The following LNPEP variants were observed in gnomAD, a reference collection of about 807,000 sequenced individuals.
LNPEP encodes the protein leucyl and cystinyl aminopeptidase.
Under a neutral mutation model 120.6 loss-of-function variants are expected in LNPEP, and 64 were observed. The ratio of observed to expected loss-of-function variants is 0.53; its 90% confidence interval spans 0.43 to 0.65. The LOEUF is 0.65. LNPEP is among the 30% of genes least tolerant of loss of function. The pLI is 0.00. For synonymous variants in LNPEP, 435 were observed against 425.4 expected (o/e 1.02, Z -0.28); for missense variants, 1,057 against 1,200.0 (o/e 0.88, Z 1.76).
chr5:97,003,118 T>C (rs976289800), intron 8 of LNPEP, among the ~76,000 whole-genome samples: 5 of 152,164 alleles, frequency 3.3e-5, no homozygotes, highest in Non-Finnish European at 7.3e-5. Flanking sequence ...TACTTAGCTT[T>C]TCAACACTAA....
intron 15 of LNPEP, among the ~76,000 whole-genome samples, chr5:97,025,660 A>G (rs1791319130): frequency 6.6e-6 from 1 of 152,228 alleles, no homozygotes; most frequent in African/African-American, 2.4e-5. Flanking sequence ...ATATTTGTAC[A>G]TATGTACGTA....
chr5:97,019,983 T>C (rs1440642607), intron 13 of LNPEP, among the ~76,000 whole-genome samples: 1 of 152,216 alleles, frequency 6.6e-6, no homozygotes, highest in Non-Finnish European at 1.5e-5. Flanking sequence ...ATTTTTCTAC[T>C]TCATGTCCTC....
intron 13 of LNPEP, 79 bp downstream of exon 13, chr5:97,015,174 G>T (rs1206137214): frequency 8.5e-6 from 8 of 940,654 alleles, no homozygotes; most frequent in Non-Finnish European, 1.0e-5. Context: ...GCCAGTAATA[G>T]GCTGAAAAAG....
chr5:96,980,409 G>A (rs1790096310), intron 2 of LNPEP, among the ~76,000 whole-genome samples: 1 of 152,074 alleles, frequency 6.6e-6, no homozygotes, highest in South Asian at 2.1e-4. Context: ...GAAGTGTGGT[G>A]TGCTTACATA....
At chr5:96,989,534 A>G (rs1387163554) in intron 4 of LNPEP, among the ~76,000 whole-genome samples, 1 of 149,868 alleles carries the variant, frequency 6.7e-6, no homozygotes, top group Non-Finnish European at 1.5e-5. Context: ...GGATCTTTCT[A>G]GTTGTGTTTT....
At chr5:96,952,835 A>T (rs191980260) in intron 1 of LNPEP, among the ~76,000 whole-genome samples, 160 of 152,250 alleles carry the variant, frequency 1.1e-3, no homozygotes, top group African/African-American at 3.7e-3. Flanking sequence ...CAGCCCTTTC[A>T]TGATCTCTTA....
chr5:96,946,279 C>G (rs1262027164), intron 1 of LNPEP, among the ~76,000 whole-genome samples: 1 of 152,142 alleles, frequency 6.6e-6, no homozygotes, highest in Non-Finnish European at 1.5e-5. Context: ...AAAGCAGCAG[C>G]CTCACTTCCA....
chr5:96,980,576 A>G (rs185464757), intron 2 of LNPEP, among the ~76,000 whole-genome samples: 1 of 152,246 alleles, frequency 6.6e-6, no homozygotes, highest in East Asian at 1.9e-4. Context: ...TCAGCTCCCT[A>G]TTTGGACTAT....
At chr5:97,019,708 A>G (rs1416387814) in intron 13 of LNPEP, among the ~76,000 whole-genome samples, 1 of 151,894 alleles carries the variant, frequency 6.6e-6, no homozygotes, top group African/African-American at 2.4e-5. Context: ...CTCAATGAGT[A>G]TTGCCATTGT....
chr5:97,006,541 T>C (rs750089747), intron 11 of LNPEP, 26 bp downstream of exon 11: 2 of 1,171,994 alleles, frequency 1.7e-6, no homozygotes, highest in Non-Finnish European at 2.6e-6. Context: ...CAGTTCTGAT[T>C]GGAAATGGCA....
At chr5:96,991,061 C>T (rs1790379044) in intron 4 of LNPEP, among the ~76,000 whole-genome samples, 1 of 152,278 alleles carries the variant, frequency 6.6e-6, no homozygotes, top group East Asian at 1.9e-4. Context: ...TCACTCCCCT[C>T]CCACCCTTTC....
intron 1 of LNPEP, among the ~76,000 whole-genome samples, chr5:96,970,900 A>T (rs1789845211): frequency 6.6e-6 from 1 of 152,064 alleles, no homozygotes; most frequent in African/African-American, 2.4e-5. Flanking sequence ...TAAGGAAATT[A>T]TAAGAAGAAT....
intron 2 of LNPEP, among the ~76,000 whole-genome samples, chr5:96,981,359 T>C (rs1790120138): frequency 6.6e-6 from 1 of 152,220 alleles, no homozygotes; most frequent in Non-Finnish European, 1.5e-5. Context: ...ACTTTTATTT[T>C]GTTTTGAATA....
intron 11 of LNPEP, among the ~76,000 whole-genome samples, chr5:97,011,791 A>G (rs1790934534): frequency 6.6e-6 from 1 of 152,176 alleles, no homozygotes; most frequent in African/African-American, 2.4e-5. Context: ...ATAAGTACGG[A>G]ATTTTTTTAG....
intron 1 of LNPEP, among the ~76,000 whole-genome samples, chr5:96,970,240 A>G (rs1220552596): frequency 6.6e-6 from 1 of 151,952 alleles, no homozygotes; most frequent in African/African-American, 2.4e-5. Flanking sequence ...TTTGTTGTCT[A>G]CTTGTTCTAT....
At chr5:96,939,359 G>A (rs190338904) in intron 1 of LNPEP, among the ~76,000 whole-genome samples, 6 of 151,802 alleles carry the variant, frequency 4.0e-5, no homozygotes, top group African/African-American at 1.5e-4. Context: ...GATTACAGGC[G>A]CCCGCCACCA....
intron 4 of LNPEP, among the ~76,000 whole-genome samples, chr5:96,990,256 G>C (rs926011093): frequency 3.9e-5 from 6 of 152,126 alleles, no homozygotes; most frequent in Admixed American, 2.0e-4. Context: ...GAAAGATGCA[G>C]GAAATGCAGT....
At chr5:97,009,724 T>C (rs1731825852) in intron 11 of LNPEP, among the ~76,000 whole-genome samples, 2 of 152,188 alleles carry the variant, frequency 1.3e-5, no homozygotes, top group African/African-American at 4.8e-5. Flanking sequence ...ATTTCGGGTT[T>C]AGAGAGTCCA....
chr5:96,991,122 T>C (rs1359294507), intron 4 of LNPEP, among the ~76,000 whole-genome samples: 1 of 152,172 alleles, frequency 6.6e-6, no homozygotes, highest in Non-Finnish European at 1.5e-5. Context: ...TGCATCCTCA[T>C]AGCTTAGCTC....
Sources: gnomAD v4.1 joint callset for allele counts (sites outside exome capture counted in the v4.1 genomes callset) on GRCh38, gnomAD v4.1.1 for gene constraint, MANE v1.5 for transcripts, NCBI Gene and HGNC (gene_info 2026-07-23, HGNC 2026-07-21) for gene names.